Variants in MYO15A observed in about 807,000 individuals in gnomAD.
MYO15A encodes myosin XVA.
MYO15A carries 308 observed loss-of-function variants against 394.6 expected under a neutral mutation model. That is an observed-to-expected ratio of 0.78 (90% confidence interval 0.71 to 0.86). MYO15A has a LOEUF of 0.86. Among genes scored for constraint, MYO15A ranks in the 40% least tolerant of loss-of-function variants. The pLI, the probability that MYO15A is intolerant of heterozygous loss-of-function variation, is 0.00. For missense variants in MYO15A, 4,606 were observed against 4,799.1 expected (o/e 0.96, Z 1.19); for synonymous variants, 1,957 against 2,003.8 (o/e 0.98, Z 0.62).
At chr17:18,114,066 T>G (rs1480473238) in intron 1 of MYO15A, among the ~76,000 whole-genome samples, 1 of 152,090 alleles carries the variant, frequency 6.6e-6, no homozygotes, top group East Asian at 1.9e-4. Context: ...GTAAGAGAGA[T>G]CCCCAGGGGT....
Position 18,152,167 on chromosome 17 carries a change from C to G in MYO15A, c.7949C>G (p.Ser2650Cys), listed in dbSNP as rs2046596373. The G allele has an allele frequency of 1.3e-6, 2 of 1,550,960 alleles. No homozygotes were observed. Among genetic ancestry groups the G allele is most frequent in the African/African-American group, 2.7e-5 (2 of 73,036 alleles). ...VKPVTSAPRP[S>C]MAPTSALPSR... ...CCGGTGACCAGTGCACCAAGGCCAT[C>G]CATGGCACCCACTTCAGGTGAGAGG... is the stretch of plus-strand genomic sequence containing the variant. The change falls in exon 42 of 66, where the codon TCC becomes TGC. Residue 2650 changes from serine to cysteine, a missense_variant. Physicochemically the swap from Ser to Cys is moderately radical, Grantham distance 112. Transcript: ENST00000647165.
In MYO15A at chr17:18,140,498, T is replaced by C; in HGVS notation, c.5212-19T>C. 1 of 1,613,402 alleles carries C rather than the reference T, an allele frequency of 6.2e-7. No individual in the cohort carries two copies. Among genetic ancestry groups the C allele is most frequent in the Non-Finnish European group, 8.5e-7 (1 of 1,180,002 alleles). On this transcript the variant is annotated intron_variant, in intron 19 of 65. Coordinates refer to ENST00000647165, the MANE Select transcript of MYO15A (RefSeq NM_016239.4). ...CCGGACCCTGCCTGTCTGTTTTCCCTGCCCCGACCCCTGCCCAGGTGGTGG... is the reference window on the plus strand; with the variant it reads ...CCGGACCCTGCCTGTCTGTTTTCCCCGCCCCGACCCCTGCCCAGGTGGTGG...
intron 60 of MYO15A, chr17:18,164,801 C>T (rs2046826780): frequency 1.5e-5 from 2 of 130,600 alleles, no homozygotes; most frequent in African/African-American, 3.1e-5. Context: ...CACTGTACTC[C>T]AGCCTGGGTG....
At position 18,173,652 on chromosome 17, in the gene MYO15A, T is replaced by C. The variant is rs1046448521; in HGVS notation, c.10351-129T>C. 4.7e-6 allele frequency: 6 copies of C among 1,275,192 alleles called. No individual in the cohort carries two copies. In the East Asian group the frequency reaches 1.4e-4, roughly 30 times the overall value. 79.0% of individuals were successfully genotyped at this position (1,275,192 alleles called of 1,614,324 possible). A position where few individuals can be genotyped will look rare whatever the true frequency, so the allele number is the denominator to read the frequency against. On this transcript the variant is annotated intron_variant, in intron 64 of 65. Coordinates refer to ENST00000647165, the MANE Select transcript of MYO15A (RefSeq NM_016239.4). ...ATTTGCTCAAGGTCACGCAAGTCAC[T>C]GGGGAACTGGTACTTGAACTGGAGT...
In MYO15A at chr17:18,122,026, C is replaced by A; in HGVS notation, c.3226C>A (p.Pro1076Thr). The change falls in exon 2 of 66, where the codon CCA becomes ACA. Residue 1076 changes from proline to threonine, a missense_variant. Pro to Thr is a conservative substitution (Grantham distance 38). Around this residue, in one of 2 missense-constraint regions of MYO15A, gnomAD observed 1,830 missense variants for 1,689.7 expected, o/e 1.08. Coordinates refer to ENST00000647165, the MANE Select transcript of MYO15A (RefSeq NM_016239.4). Reference protein sequence around the residue: ...AACDQTRATWPPWHRWGTLPQ... With the variant: ...AACDQTRATWTPWHRWGTLPQ... ...GTGTGACCAGACCAGGGCCACATGG[C>A]CACCATGGCACCGCTGGGGAACACT... The A allele has an allele frequency of 6.2e-7, 1 of 1,613,110 alleles. No individual in the cohort carries two copies. The highest frequency in any genetic ancestry group is 8.5e-7 in the Non-Finnish European group (1 of 1,180,018).
At chr17:18,176,856 A>G (rs1172987759) in intron 65 of MYO15A, 1 of 152,164 alleles carries the variant, frequency 6.6e-6, no homozygotes, top group Non-Finnish European at 1.5e-5. Context: ...TTTCAACACA[A>G]GATTTAGAAG....
chr17:18,164,105 G>A (rs1440400120), intron 60 of MYO15A: 7 of 520,146 alleles, frequency 1.3e-5, no homozygotes, highest in Non-Finnish European at 2.1e-5. Flanking sequence ...CTCAATGTGA[G>A]GACACAGGCC....
intron 64 of MYO15A, 97 bp from the exon 65 acceptor site, chr17:18,173,684 C>T: frequency 6.4e-7 from 1 of 1,551,050 alleles, no homozygotes; most frequent in South Asian, 1.1e-5. Flanking sequence ...GAGTGAGTCT[C>T]CTGCCTCCTA....
In MYO15A at chr17:18,143,769, C is replaced by A; in HGVS notation, c.6019C>A (p.Leu2007Met). The A allele has an allele frequency of 6.3e-7, 1 of 1,593,384 alleles. No homozygotes were observed. Among genetic ancestry groups the A allele is most frequent in the Admixed American group, 1.8e-5 (1 of 56,712 alleles). Residue 2007 changes from leucine (L) to methionine (M), a missense_variant, in exon 27 of 66, where the codon CTG (leucine) becomes ATG (methionine). Physicochemically the swap from Leu to Met is conservative, Grantham distance 15 (BLOSUM62 2). Coordinates refer to ENST00000647165, the MANE Select transcript of MYO15A (RefSeq NM_016239.4). ...AVGHLEVPAE[L>M]AGLLQAVAGL... ...GGGGCACCTGGAGGTACCGGCTGAG[C>A]TGGCTGGGCTCTTGCAAGCAGTGGC...
At chr17:18,126,004 T>C (rs2046031235) in intron 4 of MYO15A, among the ~76,000 whole-genome samples, 1 of 152,200 alleles carries the variant, frequency 6.6e-6, no homozygotes, top group African/African-American at 2.4e-5. Context: ...CCCCAACTCC[T>C]CACTCTAGGC....
chr17:18,148,837 G>A lies in MYO15A; in HGVS notation c.6841G>A (p.Asp2281Asn), dbSNP rs371717411. ...GVQWAELAGH[D>N]YVLDLVSDLE... ...CCAGTGGGCAGAGCTGGCTGGCCAC[G>A]ACTACGTGTTAGACCTGGTGTCGGA... is the stretch of plus-strand genomic sequence containing the variant. Residue 2281 changes from aspartate to asparagine, a missense_variant, in exon 33 of 66, where the codon GAC (aspartate) becomes AAC (asparagine). By Grantham distance (23) the Asp-to-Asn change is conservative (BLOSUM62 1). Coordinates refer to ENST00000647165, the MANE Select transcript of MYO15A (RefSeq NM_016239.4). This position sits in a 1 kb window ranked among gnomAD's most constrained non-coding sequence, Gnocchi z 4.8. 1.7e-5 allele frequency: 27 copies of A among 1,606,518 alleles called. No individual in the cohort carries two copies. Among genetic ancestry groups the A allele is most frequent in the Non-Finnish European group, 1.7e-5 (20 of 1,176,530 alleles).
chr17:18,137,688 G>T lies in MYO15A; in HGVS notation c.4875+9G>T. On this transcript the variant is annotated intron_variant, in intron 16 of 65. Coordinates refer to ENST00000647165, the MANE Select transcript of MYO15A (RefSeq NM_016239.4). ...TCTTCCAGGAGGAGCAGGTGTGTGG[G>T]CCCCATTAATACTCCTGTCCCTGTC... is the stretch of plus-strand genomic sequence containing the variant. The T allele has an allele frequency of 1.9e-6, 3 of 1,613,300 alleles. No homozygotes were observed. The highest frequency in any genetic ancestry group is 2.5e-6 in the Non-Finnish European group (3 of 1,179,516).
intron 10 of MYO15A, among the ~76,000 whole-genome samples, chr17:18,131,912 C>T (rs534080753): frequency 5.3e-5 from 8 of 152,268 alleles, no homozygotes; most frequent in African/African-American, 1.4e-4. Flanking sequence ...GCCCCTACCC[C>T]GTCCACTGCT....
At chr17:18,138,474 T>C (rs927347110) in intron 17 of MYO15A, among the ~76,000 whole-genome samples, 1 of 152,194 alleles carries the variant, frequency 6.6e-6, no homozygotes, top group Non-Finnish European at 1.5e-5. Flanking sequence ...GAAGGTTTCC[T>C]GGAGTAGGTA....
At position 18,119,366 on chromosome 17, in the gene MYO15A, G is replaced by T; in HGVS notation, c.566G>T (p.Arg189Met). ...CTGCGGCCTGGGGGCCGGCTCCGGA[G>T]GTTCCCCCGCAGCCGCAGCATCTAC... Reference protein sequence around the residue: ...EILRPGGRLRRFPRSRSIYAS... With the variant: ...EILRPGGRLRMFPRSRSIYAS... Residue 189 changes from arginine (R) to methionine (M), a missense_variant, in exon 2 of 66, where the codon AGG becomes ATG. Arg to Met is a moderately conservative substitution (Grantham distance 91). Coordinates refer to ENST00000647165, the MANE Select transcript of MYO15A (RefSeq NM_016239.4). The T allele has an allele frequency of 6.2e-7, 1 of 1,609,562 alleles. No homozygotes were observed. Among genetic ancestry groups the T allele is most frequent in the South Asian group, 1.1e-5 (1 of 91,042 alleles).
At chr17:18,143,455 CT>C in intron 25 of MYO15A, 110 bp from the exon 26 acceptor site, 1 of 1,254,908 alleles carries the variant, frequency 8.0e-7, no homozygotes, top group Non-Finnish European at 1.1e-6. Context: ...AACAGGCAAG[CT>C]GCCCCCCTTG....
At position 18,156,969 on chromosome 17, in the gene MYO15A, G is replaced by T; in HGVS notation, c.8617G>T (p.Val2873Phe). Residue 2873 changes from valine to phenylalanine, a missense_variant, in exon 49 of 66, where the codon GTC (valine) becomes TTC (phenylalanine). This residue lies in a region of MYO15A where 2,776 missense variants were observed against 3,109.3 expected (regional missense o/e 0.89). Transcript: ENST00000647165. ...LELKKDSDYV[V>F]AVRNFLPEDP... ...GCTGACCCAGGACTCTGACTACGTG[G>T]TCGCTGTGAGGAACTTCCTGCCTGA... 1 of 1,614,190 alleles carries T rather than the reference G, an allele frequency of 6.2e-7. No homozygotes were observed. The highest frequency in any genetic ancestry group is 8.5e-7 in the Non-Finnish European group (1 of 1,180,036).
chr17:18,136,936 C>T (rs1198033206), intron 15 of MYO15A, among the ~76,000 whole-genome samples: 1 of 152,248 alleles, frequency 6.6e-6, no homozygotes, highest in Non-Finnish European at 1.5e-5. Context: ...CAGCCAGGGC[C>T]CTGCCCTTGG....
chr17:18,157,892 A>T lies in MYO15A; in HGVS notation c.8959A>T (p.Arg2987Trp), dbSNP rs767494160. The change falls in exon 51 of 66, where the codon AGG becomes TGG. Residue 2987 changes from arginine to tryptophan, a missense_variant. This residue lies in a region of MYO15A where 2,776 missense variants were observed against 3,109.3 expected (regional missense o/e 0.89). Transcript: ENST00000647165. Reference sequence around the variant, plus strand: ...AGCCGCTGCACAGGAGGTGGGCCGCAGGAGAGAGGTGAGACCAGTGTGGGT... The same window carrying T: ...AGCCGCTGCACAGGAGGTGGGCCGCTGGAGAGAGGTGAGACCAGTGTGGGT... ...SAAAAQEVGR[R>W]REGPPVRARS... 1.9e-6 allele frequency: 2 copies of T among 1,045,334 alleles called. No homozygotes were observed. Among genetic ancestry groups the T allele is most frequent in the Non-Finnish European group, 2.4e-6 (2 of 822,416 alleles). The allele number at this position is 1,045,334 out of a possible 1,614,324, so 64.8% of individuals were successfully genotyped here.
Sources: gnomAD v4.1 joint callset for allele counts (sites outside exome capture counted in the v4.1 genomes callset) on GRCh38, gnomAD v4.1.1 for gene constraint, gnomAD v4.1.1 regional missense constraint, Gnocchi (gnomAD v3.1) non-coding constraint, MANE v1.5 for transcripts, NCBI Gene and HGNC (gene_info 2026-07-23, HGNC 2026-07-21) for gene names.